Variants in ZNF385D observed in about 807,000 individuals in gnomAD.
ZNF385D encodes the protein zinc finger protein 385D, also known as zinc finger protein 659.
A neutral mutation model predicts 35.8 loss-of-function variants in ZNF385D; 15 were observed. That is an observed-to-expected ratio of 0.42 (90% CI 0.28 to 0.64). The LOEUF (loss-of-function observed/expected upper bound fraction) is 0.64, where lower values mean the gene tolerates loss of function less well. ZNF385D is among the 30% of genes least tolerant of loss of function. ZNF385D has a pLI of 0.23. For synonymous variants in ZNF385D, 212 were observed against 186.8 expected (o/e 1.13, Z -1.10); for missense variants, 474 against 494.6 (o/e 0.96, Z 0.39).
intron 1 of ZNF385D, 44 bp downstream of exon 1, chr3:21,750,851 G>A: frequency 1.2e-6 from 2 of 1,611,958 alleles, no homozygotes; most frequent in South Asian, 1.1e-5. Flanking sequence ...CACGGATGAA[G>A]AGCCGGACAC....
At chr3:22,365,930 C>T (rs1696637016) in intron 2 of ZNF385D, among the ~76,000 whole-genome samples, 1 of 152,110 alleles carries the variant, frequency 6.6e-6, no homozygotes, top group African/African-American at 2.4e-5. Context: ...TTTATTGTAC[C>T]TCACAGTATT....
At chr3:22,287,749 T>A (rs1324802544) in intron 2 of ZNF385D, among the ~76,000 whole-genome samples, 1 of 152,070 alleles carries the variant, frequency 6.6e-6, no homozygotes, top group East Asian at 1.9e-4. Context: ...TAATAGTTTT[T>A]CCTTTTAGCC....
chr3:21,905,205 C>CAAAAAAAAAAAAAAAAAA (rs63147760), intron 3 of ZNF385D, among the ~76,000 whole-genome samples: 3 of 69,726 alleles, frequency 4.3e-5, no homozygotes, highest in African/African-American at 1.7e-4. Flanking sequence ...ACAAAAAATC[C>CAAAAAAAAAAAAAAAAAA]AAAAAAAAAA....
intron 4 of ZNF385D, among the ~76,000 whole-genome samples, chr3:21,448,240 G>C (rs971452562): frequency 6.6e-6 from 1 of 152,056 alleles, no homozygotes; most frequent in East Asian, 1.9e-4. Context: ...TTGACAAAGA[G>C]GATGGAAGTA....
chr3:21,858,733 G>C (rs1696873407), intron 3 of ZNF385D, among the ~76,000 whole-genome samples: 1 of 152,118 alleles, frequency 6.6e-6, no homozygotes, highest in Admixed American at 6.6e-5. Context: ...AACAGACTAA[G>C]ACAGCACGAA....
chr3:22,269,375 G>T (rs1217021424), intron 2 of ZNF385D, among the ~76,000 whole-genome samples: 4 of 151,958 alleles, frequency 2.6e-5, no homozygotes, highest in Non-Finnish European at 5.9e-5. Flanking sequence ...AAGGCAGGAG[G>T]CACCAGTAGA....
At chr3:21,519,915 C>T (rs1707805053) in intron 3 of ZNF385D, among the ~76,000 whole-genome samples, 1 of 152,150 alleles carries the variant, frequency 6.6e-6, no homozygotes, top group South Asian at 2.1e-4. Context: ...ATCAACTTGT[C>T]ATAGATGTTT....
intron 2 of ZNF385D, among the ~76,000 whole-genome samples, chr3:22,342,836 G>C (rs1051566705): frequency 1.3e-5 from 2 of 152,178 alleles, no homozygotes; most frequent in Non-Finnish European, 2.9e-5. Flanking sequence ...ACTTCTCCAA[G>C]AGACCTCAAT....
At chr3:21,507,931 A>G (rs1277524257) in intron 4 of ZNF385D, among the ~76,000 whole-genome samples, 1 of 152,206 alleles carries the variant, frequency 6.6e-6, no homozygotes, top group Admixed American at 6.5e-5. Flanking sequence ...AATTCAGTTT[A>G]AAGAGAATTT....
chr3:21,557,092 A>G (rs1388868322), intron 3 of ZNF385D, among the ~76,000 whole-genome samples: 2 of 152,324 alleles, frequency 1.3e-5, no homozygotes, highest in East Asian at 3.9e-4. Flanking sequence ...TTATCTAAAT[A>G]TACAATCATG....
At chr3:22,090,894 G>A (rs188632996) in intron 3 of ZNF385D, among the ~76,000 whole-genome samples, 5 of 152,128 alleles carry the variant, frequency 3.3e-5, no homozygotes, top group African/African-American at 4.8e-5. Flanking sequence ...GCCTTGTTAG[G>A]GTCTTATGAC....
chr3:21,911,829 G>A (rs1445843262), intron 3 of ZNF385D, among the ~76,000 whole-genome samples: 2 of 151,938 alleles, frequency 1.3e-5, no homozygotes, highest in East Asian at 3.9e-4. Context: ...TAGACAAGTG[G>A]TGCTTTATAA....
At chr3:22,069,602 G>A (rs142744851) in intron 3 of ZNF385D, among the ~76,000 whole-genome samples, 1 of 152,168 alleles carries the variant, frequency 6.6e-6, no homozygotes, top group African/African-American at 2.4e-5. Context: ...ATGGTATCTA[G>A]TGGAATTTTT....
intron 2 of ZNF385D, among the ~76,000 whole-genome samples, chr3:22,294,454 A>G (rs1002573994): frequency 2.0e-5 from 3 of 152,084 alleles, no homozygotes; most frequent in Non-Finnish European, 2.9e-5. Flanking sequence ...CCACCCCCGC[A>G]TATTTATCGT....
chr3:22,156,559 C>A (rs1576416618), intron 3 of ZNF385D, among the ~76,000 whole-genome samples: 1 of 152,086 alleles, frequency 6.6e-6, no homozygotes, highest in Non-Finnish European at 1.5e-5. Flanking sequence ...AAGAAGGAAT[C>A]ACTTTGATGA....
At chr3:21,587,615 A>C (rs2063848614) in intron 2 of ZNF385D, among the ~76,000 whole-genome samples, 1 of 152,218 alleles carries the variant, frequency 6.6e-6, no homozygotes, top group African/African-American at 2.4e-5. Flanking sequence ...TGTAGTAGAT[A>C]TGTAAGAAAC....
chr3:22,318,888 G>A (rs1374822098), intron 2 of ZNF385D, among the ~76,000 whole-genome samples: 1 of 152,104 alleles, frequency 6.6e-6, no homozygotes, highest in Non-Finnish European at 1.5e-5. Context: ...TCAAAATTTG[G>A]TAGCTTTAGT....
intron 3 of ZNF385D, among the ~76,000 whole-genome samples, chr3:21,800,362 C>A (rs1047261157): frequency 5.9e-5 from 9 of 152,126 alleles, no homozygotes; most frequent in Non-Finnish European, 1.2e-4. Context: ...AATATTAAAT[C>A]TATCCAATCC....
At chr3:21,564,481 G>A (rs2063070164) in intron 3 of ZNF385D, 93 bp downstream of exon 3, 2 of 706,514 alleles carry the variant, frequency 2.8e-6, no homozygotes, top group Non-Finnish European at 2.2e-6. Flanking sequence ...CTCAGTTACT[G>A]GAGAAAATGT....
Sources: allele counts gnomAD v4.1 joint callset (sites outside exome capture counted in the v4.1 genomes callset), GRCh38; gene constraint gnomAD v4.1.1; transcripts MANE v1.5; gene names NCBI Gene and HGNC (gene_info 2026-07-23, HGNC 2026-07-21).